The following DLGAP2 variants were observed in gnomAD, a reference collection of about 807,000 sequenced individuals.
The protein encoded by DLGAP2 is disks large-associated protein 2.
Under a neutral mutation model 100.3 loss-of-function variants are expected in DLGAP2, and 26 were observed. The observed-to-expected ratio is 0.26, with a 90% CI of 0.19 to 0.36. The LOEUF (loss-of-function observed/expected upper bound fraction) is 0.36. Among genes scored for constraint, DLGAP2 ranks in the 10% least tolerant of loss-of-function variants. The pLI is 1.00. For missense variants in DLGAP2, 1,858 were observed against 1,453.2 expected, an observed-to-expected ratio of 1.28 and a Z score of -4.53; for synonymous variants, 886 against 630.1, an observed-to-expected ratio of 1.41 and a Z score of -6.08.
chr8:1,639,610 G>A (rs184426469), intron 8 of DLGAP2, among the ~76,000 whole-genome samples: 2 of 152,078 alleles, frequency 1.3e-5, no homozygotes, highest in African/African-American at 4.8e-5. Context: ...CATATTTGCA[G>A]CTGTAAAAAT....
At chr8:854,165 C>T (rs1312795445) in intron 1 of DLGAP2, among the ~76,000 whole-genome samples, 5 of 152,150 alleles carry the variant, frequency 3.3e-5, no homozygotes, top group Non-Finnish European at 7.4e-5. Flanking sequence ...TTCTAGCAGC[C>T]ACATAGACTA....
In DLGAP2 at chr8:1,447,263, T is replaced by G. The variant is rs1033207980; in HGVS notation, c.107-54103T>G. Reference sequence around the variant, plus strand: ...ATAGCTCTTATTATTTTGGGATACATCCCATCTAATTTATTGAGAGTTTTT... The same window carrying G: ...ATAGCTCTTATTATTTTGGGATACAGCCCATCTAATTTATTGAGAGTTTTT... On this transcript the variant is annotated intron_variant, in intron 3 of 14. Coordinates refer to ENST00000637795, the MANE Select transcript of DLGAP2 (RefSeq NM_001346810.2). 4.6e-5 allele frequency among the ~76,000 whole-genome samples: 7 copies of G among 152,156 alleles called. 1 individual carries two copies. The highest frequency in any genetic ancestry group is 1.7e-4 in the African/African-American group (7 of 41,450).
chr8:1,245,115 A>G (rs1362876843), intron 2 of DLGAP2, among the ~76,000 whole-genome samples: 2 of 152,248 alleles, frequency 1.3e-5, no homozygotes, highest in East Asian at 1.9e-4. Context: ...AAGATCCTGG[A>G]GAAACTGGAA....
At chr8:1,154,057 A>G (rs1040074208) in intron 2 of DLGAP2, among the ~76,000 whole-genome samples, 1 of 152,186 alleles carries the variant, frequency 6.6e-6, no homozygotes, top group Non-Finnish European at 1.5e-5. Context: ...AATATGGAAG[A>G]AAAGAAACAA....
chr8:1,176,012 A>G (rs1056649348), intron 2 of DLGAP2, among the ~76,000 whole-genome samples: 2 of 152,156 alleles, frequency 1.3e-5, no homozygotes, highest in African/African-American at 4.8e-5. Context: ...ATAAATATTG[A>G]CTGGTCCATC....
chr8:1,598,158 G>C (rs536072938), intron 6 of DLGAP2, among the ~76,000 whole-genome samples: 29 of 152,328 alleles, frequency 1.9e-4, no homozygotes, highest in Admixed American at 1.6e-3. Context: ...TTATGTGATA[G>C]ATTATGTTTA....
At position 913,824 on chromosome 8, in the gene DLGAP2, G is replaced by A. The variant is rs115192698; in HGVS notation, c.73+5858G>A. Among the ~76,000 whole-genome samples, 623 of 152,300 alleles carry A rather than the reference G, an allele frequency of 4.1e-3. 4 individuals are homozygous for A. The highest frequency in any genetic ancestry group is 0.014 in the African/African-American group (578 of 41,564). On this transcript the variant is annotated intron_variant, in intron 2 of 14. Transcript: ENST00000637795. ...CTGAATTATCCACATGTGACTTTCC[G>A]GTCTCATATGAGGCAGAACAGCACG...
intron 2 of DLGAP2, among the ~76,000 whole-genome samples, chr8:1,111,903 T>G (rs1317937984): frequency 6.6e-6 from 1 of 152,188 alleles, no homozygotes; most frequent in Admixed American, 6.5e-5. Context: ...ATGATTTATA[T>G]TCCTCTGGAT....
intron 6 of DLGAP2, among the ~76,000 whole-genome samples, chr8:1,590,460 G>T (rs1375437873): frequency 2.0e-5 from 3 of 152,148 alleles, no homozygotes; most frequent in Non-Finnish European, 4.4e-5. Context: ...CATTTCTCCA[G>T]CTGGGTGACC....
At chr8:1,180,405 A>G (rs536187979) in intron 2 of DLGAP2, among the ~76,000 whole-genome samples, 5 of 152,192 alleles carry the variant, frequency 3.3e-5, no homozygotes, top group South Asian at 2.1e-4. Flanking sequence ...GGGCCTCACA[A>G]TGTTGCCCAG....
At chr8:738,812 G>C (rs1268883698) in intron 1 of DLGAP2, 2 of 152,556 alleles carry the variant, frequency 1.3e-5, no homozygotes, top group African/African-American at 4.8e-5. Flanking sequence ...GCCTGGAGGA[G>C]AGATAGCTGG....
At chr8:808,113 A>G (rs772174000) in intron 1 of DLGAP2, among the ~76,000 whole-genome samples, 4 of 152,086 alleles carry the variant, frequency 2.6e-5, no homozygotes, top group Non-Finnish European at 4.4e-5. Context: ...GGCGGATGTG[A>G]CACCTGCCTC....
chr8:768,314 C>T (rs957994179), intron 1 of DLGAP2, among the ~76,000 whole-genome samples: 4 of 151,916 alleles, frequency 2.6e-5, no homozygotes, highest in African/African-American at 9.7e-5. Flanking sequence ...TGGTTATTTA[C>T]TATACAGTCA....
chr8:1,166,920 G>A (rs1431523952), intron 2 of DLGAP2, among the ~76,000 whole-genome samples: 1 of 152,146 alleles, frequency 6.6e-6, no homozygotes, highest in Non-Finnish European at 1.5e-5. Flanking sequence ...GCCAAGGTGA[G>A]AGGACCACGA....
At chr8:1,537,742 GA>G (rs1801204090) in intron 4 of DLGAP2, among the ~76,000 whole-genome samples, 1 of 138,502 alleles carries the variant, frequency 7.2e-6, no homozygotes, top group Non-Finnish European at 1.6e-5. Flanking sequence ...AGGAAGGAAG[GA>G]AGGAAGGAAG....
intron 1 of DLGAP2, among the ~76,000 whole-genome samples, chr8:745,786 C>A (rs1421475283): frequency 6.6e-6 from 1 of 152,122 alleles, no homozygotes; most frequent in Non-Finnish European, 1.5e-5. Context: ...GTGTTCATAC[C>A]ATATTAAGTA....
Position 1,549,029 on chromosome 8 carries a change from G to C in DLGAP2, c.576G>C (p.Leu192=). The change falls in exon 5 of 15, where the codon CTG becomes CTC. Residue 192 remains leucine (L), a synonymous_variant. Coordinates refer to ENST00000637795, the MANE Select transcript of DLGAP2 (RefSeq NM_001346810.2). ...GAKINRIPAN[L]LDQFEKQLPL... ...AGATCAACCGCATCCCGGCCAACCT[G>C]CTGGACCAGTTCGAGAAGCAGCTGC... 1 of 1,596,232 alleles carries C rather than the reference G, an allele frequency of 6.3e-7. No individual in the cohort carries two copies. The highest frequency in any genetic ancestry group is 1.3e-5 in the African/African-American group (1 of 74,944).
At chr8:994,326 G>A (rs537296941) in intron 2 of DLGAP2, among the ~76,000 whole-genome samples, 16 of 152,160 alleles carry the variant, frequency 1.1e-4, no homozygotes, top group East Asian at 5.8e-4. Flanking sequence ...TTAGCCTCCC[G>A]AGTAGCTGGG....
intron 2 of DLGAP2, among the ~76,000 whole-genome samples, chr8:1,044,672 A>T (rs563002220): frequency 6.6e-6 from 1 of 152,234 alleles, no homozygotes; most frequent in East Asian, 1.9e-4. Context: ...TTCCCATTGC[A>T]CTAAAAGACT....
Sources: allele counts gnomAD v4.1 joint callset (sites outside exome capture counted in the v4.1 genomes callset), GRCh38; gene constraint gnomAD v4.1.1; transcripts MANE v1.5; gene names NCBI Gene and HGNC (gene_info 2026-07-23, HGNC 2026-07-21).